The following ERC2 variants were observed in gnomAD, a reference collection of about 807,000 sequenced individuals.
ERC2 encodes ERC protein 2.
ERC2 carries 42 observed loss-of-function variants against 114.8 expected under a neutral mutation model. The ratio of observed to expected loss-of-function variants is 0.37; its 90% CI spans 0.29 to 0.47. The LOEUF is 0.47. Ranked by LOEUF, ERC2 falls within the 20% of genes least tolerant of loss-of-function variation. The pLI, the probability that ERC2 is intolerant of heterozygous loss-of-function variation, is 0.99. For synonymous variants in ERC2, 454 were observed against 425.5 expected, an observed-to-expected ratio of 1.07 and a Z score of -0.82; for missense variants, 939 against 1,150.7, an observed-to-expected ratio of 0.82 and a Z score of 2.66.
intron 17 of ERC2, among the ~76,000 whole-genome samples, chr3:55,640,118 G>C (rs2060116697): frequency 6.6e-6 from 1 of 152,198 alleles, no homozygotes; most frequent in Non-Finnish European, 1.5e-5. Context: ...CTCCCCCGCA[G>C]AGAAGTCTGT....
At chr3:55,746,527 C>A (rs761663225) in intron 14 of ERC2, among the ~76,000 whole-genome samples, 1 of 152,176 alleles carries the variant, frequency 6.6e-6, no homozygotes, top group Non-Finnish European at 1.5e-5. Context: ...CAGGCATGAG[C>A]CACTGCACCC....
intron 2 of ERC2, among the ~76,000 whole-genome samples, chr3:56,395,998 G>T (rs1210435108): frequency 6.6e-6 from 1 of 152,134 alleles, no homozygotes; most frequent in East Asian, 1.9e-4. Flanking sequence ...TTAAAGAAAT[G>T]CAAGTTAAAA....
intron 6 of ERC2, among the ~76,000 whole-genome samples, chr3:56,098,295 A>G (rs904766513): frequency 2.0e-5 from 3 of 152,220 alleles, no homozygotes; most frequent in South Asian, 4.1e-4. Flanking sequence ...GAGTCTTTTA[A>G]GAAGCAGTCA....
chr3:55,767,541 T>C (rs930621200), intron 14 of ERC2, among the ~76,000 whole-genome samples: 3 of 152,170 alleles, frequency 2.0e-5, no homozygotes, highest in African/African-American at 7.2e-5. Context: ...TAAGGTGCTT[T>C]AATTCCCAGG....
chr3:55,950,331 C>G (rs2067411225), intron 13 of ERC2, 94 bp downstream of exon 13: 1 of 1,486,676 alleles, frequency 6.7e-7, no homozygotes, highest in African/African-American at 1.4e-5. Context: ...CAAAGTCCAC[C>G]ATTTCTGTGC....
intron 17 of ERC2, among the ~76,000 whole-genome samples, chr3:55,674,943 A>T (rs2061717551): frequency 6.6e-6 from 1 of 152,150 alleles, no homozygotes; most frequent in African/African-American, 2.4e-5. Flanking sequence ...GCTGAAAGAA[A>T]TGGCAAGGAG....
intron 2 of ERC2, among the ~76,000 whole-genome samples, chr3:56,319,807 T>C (rs967220740): frequency 6.6e-6 from 1 of 151,848 alleles, no homozygotes; most frequent in Non-Finnish European, 1.5e-5. Context: ...CCCATCTCTA[T>C]AAAAAACAAA....
intron 14 of ERC2, among the ~76,000 whole-genome samples, chr3:55,864,142 T>TATATATATATACACATATATATACAC (rs1559782881): frequency 9.9e-5 from 11 of 111,538 alleles, no homozygotes; most frequent in African/African-American, 4.4e-4. Flanking sequence ...TATATATACA[T>TATATATATATACACATATATATACAC]ATATATATAT....
chr3:55,694,266 T>A (rs1436136188), intron 16 of ERC2, among the ~76,000 whole-genome samples: 1 of 152,138 alleles, frequency 6.6e-6, no homozygotes, highest in East Asian at 1.9e-4. Flanking sequence ...ACCTCTGAGT[T>A]TCTTTATTTA....
intron 13 of ERC2, among the ~76,000 whole-genome samples, chr3:55,926,422 A>AAAC (rs1460414860): frequency 2.6e-5 from 4 of 151,610 alleles, no homozygotes; most frequent in South Asian, 2.1e-4. Context: ...TTTTAAAAAA[A>AAAC]AAAAAACTAA....
At chr3:55,687,368 C>T (rs1013342567) in intron 16 of ERC2, among the ~76,000 whole-genome samples, 1 of 87,284 alleles carries the variant, frequency 1.1e-5, no homozygotes, top group Non-Finnish European at 2.3e-5. Flanking sequence ...AACCTGAGGC[C>T]ACCACCGGAT....
intron 3 of ERC2, among the ~76,000 whole-genome samples, chr3:56,267,615 C>T (rs1213704479): frequency 1.4e-5 from 2 of 144,102 alleles, no homozygotes; most frequent in East Asian, 4.1e-4. Flanking sequence ...ACTAAAAATA[C>T]AAAAAAAAAA....
intron 17 of ERC2, among the ~76,000 whole-genome samples, chr3:55,529,992 G>T (rs1322209998): frequency 6.6e-6 from 1 of 152,110 alleles, no homozygotes; most frequent in Non-Finnish European, 1.5e-5. Context: ...TGGAATAAAG[G>T]CTCCTCTTTA....
At chr3:55,597,054 TG>T (rs1231270911) in intron 17 of ERC2, among the ~76,000 whole-genome samples, 1 of 152,218 alleles carries the variant, frequency 6.6e-6, no homozygotes, top group East Asian at 1.9e-4. Flanking sequence ...AACATGTGCT[TG>T]GTTACTTAGA....
rs966670071 is a variant in ERC2, at chr3:56,289,751, T to G, written c.1074+6268A>C. ...GGATGAAGCCAGTTGTCAGCTCTCCTACCTTTAAGCTGTACAGCATTTGGA... is the reference window on the plus strand; with the variant it reads ...GGATGAAGCCAGTTGTCAGCTCTCCGACCTTTAAGCTGTACAGCATTTGGA... On this transcript the variant is annotated intron_variant, in intron 3 of 17. Coordinates refer to ENST00000288221, the MANE Select transcript of ERC2 (RefSeq NM_015576.3). Among the ~76,000 whole-genome samples, 3 of 152,234 alleles carry G rather than the reference T, an allele frequency of 2.0e-5. 1 individual carries two copies. In the South Asian group the frequency reaches 6.2e-4, roughly 32 times the overall value.
At chr3:55,934,221 T>G (rs560684584) in intron 13 of ERC2, among the ~76,000 whole-genome samples, 1 of 152,344 alleles carries the variant, frequency 6.6e-6, no homozygotes, top group South Asian at 2.1e-4. Flanking sequence ...TCTTGCATTT[T>G]TCTCCCAGTC....
intron 17 of ERC2, among the ~76,000 whole-genome samples, chr3:55,669,583 T>C (rs923199707): frequency 2.0e-5 from 3 of 152,270 alleles, no homozygotes; most frequent in Non-Finnish European, 2.9e-5. Context: ...ATTGTATTTC[T>C]TGTAATGGCT....
chr3:56,170,061 C>T (rs115964703), intron 4 of ERC2, among the ~76,000 whole-genome samples: 1 of 152,158 alleles, frequency 6.6e-6, no homozygotes, highest in Non-Finnish European at 1.5e-5. Flanking sequence ...AGGAGCACTG[C>T]AATATCTACA....
intron 4 of ERC2, among the ~76,000 whole-genome samples, chr3:56,165,144 T>C (rs1475026244): frequency 6.6e-6 from 1 of 151,826 alleles, no homozygotes; most frequent in African/African-American, 2.4e-5. Context: ...TTCCTGGCCC[T>C]CCCAACCTTC....
Sources: gnomAD v4.1 joint callset for allele counts (sites outside exome capture counted in the v4.1 genomes callset) on GRCh38, gnomAD v4.1.1 for gene constraint, MANE v1.5 for transcripts, NCBI Gene and HGNC (gene_info 2026-07-23, HGNC 2026-07-21) for gene names.